NUP205: variants seen among roughly 807,000 people sequenced by gnomAD.
NUP205 encodes the protein nucleoporin 205, also known as nuclear pore complex protein Nup205.
A neutral mutation model predicts 253.8 loss-of-function variants in NUP205; 76 were observed. The ratio of observed to expected loss-of-function variants is 0.30; its 90% CI spans 0.25 to 0.36. NUP205 has a LOEUF of 0.36. NUP205 is among the 10% of genes least tolerant of loss of function. The pLI is 1.00. For synonymous variants in NUP205, 832 were observed against 850.1 expected, an observed-to-expected ratio of 0.98 and a Z score of 0.37; for missense variants, 2,162 against 2,425.5, an observed-to-expected ratio of 0.89 and a Z score of 2.28.
chr7:135,590,747 A>G (rs1584656597), intron 10 of NUP205, among the ~76,000 whole-genome samples: 2 of 151,526 alleles, frequency 1.3e-5, no homozygotes, highest in Admixed American at 6.6e-5. Context: ...TGGCCAGGAT[A>G]GTCTTGATCT....
chr7:135,635,189 C>G (rs1438422685), intron 35 of NUP205: 2 of 152,870 alleles, frequency 1.3e-5, no homozygotes, highest in Non-Finnish European at 1.5e-5. Flanking sequence ...AGGGGAAAAG[C>G]AAAAGCAAAT....
At chr7:135,622,493 C>G (rs867028625) in intron 30 of NUP205, among the ~76,000 whole-genome samples, 1 of 151,380 alleles carries the variant, frequency 6.6e-6, no homozygotes, top group African/African-American at 2.4e-5. Flanking sequence ...CTCATGGAGT[C>G]TTGTAATTCA....
intron 1 of NUP205, among the ~76,000 whole-genome samples, chr7:135,564,010 T>G (rs998184285): frequency 9.2e-5 from 14 of 151,850 alleles, no homozygotes; most frequent in Admixed American, 9.2e-4. Flanking sequence ...AAAAAGGTGT[T>G]TACTGAAATT....
intron 36 of NUP205, among the ~76,000 whole-genome samples, chr7:135,636,887 TC>T (rs1794820342): frequency 6.6e-6 from 1 of 152,096 alleles, no homozygotes; most frequent in Admixed American, 6.6e-5. Flanking sequence ...ACGCCTGTAG[TC>T]CCAGCTACCT....
Position 135,628,116 on chromosome 7 carries a change from G to C in NUP205, c.4932+5G>C, listed in dbSNP as rs746321197. The C allele has an allele frequency of 6.2e-7, 1 of 1,606,196 alleles. No individual in the cohort carries two copies. The highest frequency in any genetic ancestry group is 1.1e-5 in the South Asian group (1 of 90,258). ...CACTTGCAGGCAGCAGGGCAGGTAA[G>C]GTGAACCCTTTGTTTAGATATTGTC... On this transcript the variant is annotated splice_donor_5th_base_variant and intron_variant, in intron 34 of 42. Transcript: ENST00000285968.
At chr7:135,571,456 G>C (rs879766483) in intron 2 of NUP205, among the ~76,000 whole-genome samples, 1 of 149,648 alleles carries the variant, frequency 6.7e-6, no homozygotes, top group African/African-American at 2.5e-5. Context: ...GCCCAGGCTT[G>C]TCTTGGACTT....
chr7:135,599,764 A>C (rs1793925042), intron 15 of NUP205, among the ~76,000 whole-genome samples: 1 of 151,992 alleles, frequency 6.6e-6, no homozygotes, highest in South Asian at 2.1e-4. Flanking sequence ...ACTCTAAAAA[A>C]CTTTCCCTCA....
intron 30 of NUP205, 51 bp downstream of exon 30, chr7:135,619,939 T>C: frequency 8.4e-7 from 1 of 1,186,564 alleles, no homozygotes; most frequent in East Asian, 2.3e-5. Context: ...ATGGTTACTT[T>C]AAATTGAAAA....
At position 135,638,414 on chromosome 7, in the gene NUP205, GAAAAAAA is replaced by G; in HGVS notation, c.5266-131_5266-125del. 1.9e-5 allele frequency: 9 copies of G among 464,214 alleles called. No individual in the cohort carries two copies. In the South Asian group the frequency reaches 2.1e-4, roughly 11 times the overall value. 28.8% of individuals were successfully genotyped at this position (464,214 alleles called of 1,614,324 possible). On this transcript the variant is annotated intron_variant, in intron 37 of 42. Coordinates refer to ENST00000285968, the MANE Select transcript of NUP205 (RefSeq NM_015135.3). Reference sequence around the variant, plus strand: ...TGGGCAACAGAGGGAGACTCCATCTGAAAAAAAAAAAAAAAAAAGAATACACAGATGT... The same window carrying G: ...TGGGCAACAGAGGGAGACTCCATCTGAAAAAAAAAAAGAATACACAGATGT...
intron 11 of NUP205, among the ~76,000 whole-genome samples, chr7:135,592,661 C>T (rs1255283351): frequency 2.0e-5 from 3 of 152,110 alleles, no homozygotes; most frequent in South Asian, 4.1e-4. Context: ...CCGAGGCAGG[C>T]GGATCACTTG....
chr7:135,570,091 AG>A (rs1805912952), intron 1 of NUP205, among the ~76,000 whole-genome samples: 6 of 149,250 alleles, frequency 4.0e-5, no homozygotes, highest in Admixed American at 6.7e-5. Flanking sequence ...AGAGAGAGAG[AG>A]AGAAACTGAA....
chr7:135,603,850 G>T (rs1794023103), intron 18 of NUP205, among the ~76,000 whole-genome samples: 2 of 152,132 alleles, frequency 1.3e-5, no homozygotes, highest in African/African-American at 2.4e-5. Context: ...TCTGTCTCCT[G>T]TAGGGAAACT....
Position 135,594,725 on chromosome 7 carries a change from C to T in NUP205, c.2009C>T (p.Thr670Ile). Residue 670 changes from threonine (T) to isoleucine (I), a missense_variant, in exon 13 of 43, where the codon ACT becomes ATT. Transcript: ENST00000285968. The stretch of plus-strand genomic sequence containing the variant: ...TCCCTCTGGCAGTCATTGGAATACA[C>T]TCAGGTAGGGCTCTGAAGTCCCTTA... ...AASLWQSLEY[T>I]QILQTVRIPS... 2.5e-6 allele frequency: 4 copies of T among 1,611,114 alleles called. No individual in the cohort carries two copies. The highest frequency in any genetic ancestry group is 3.4e-6 in the Non-Finnish European group (4 of 1,178,474).
intron 18 of NUP205, 77 bp downstream of exon 18, chr7:135,603,071 A>T: frequency 3.2e-6 from 3 of 943,936 alleles, no homozygotes; most frequent in Middle Eastern, 2.8e-4. Flanking sequence ...CTGGTTAGGT[A>T]TCTAGTGCAT....
intron 22 of NUP205, among the ~76,000 whole-genome samples, chr7:135,612,982 A>C (rs1040705598): frequency 2.6e-5 from 4 of 152,128 alleles, no homozygotes; most frequent in African/African-American, 4.8e-5. Flanking sequence ...GCTACTCAGA[A>C]GGCTGAGCTG....
chr7:135,597,727 T>G, intron 14 of NUP205: 2 of 460,778 alleles, frequency 4.3e-6, no homozygotes. Context: ...TTCTTTTCTC[T>G]CTAATTCTCC....
intron 22 of NUP205, among the ~76,000 whole-genome samples, chr7:135,611,944 C>T (rs1794249116): frequency 6.6e-6 from 1 of 152,012 alleles, no homozygotes; most frequent in Non-Finnish European, 1.5e-5. Context: ...GAAACCCCGT[C>T]TCTACTAAAA....
At chr7:135,628,134 A>G (rs750946645) in intron 34 of NUP205, 23 bp downstream of exon 34, 21 of 1,600,910 alleles carry the variant, frequency 1.3e-5, no homozygotes, top group Non-Finnish European at 1.7e-5. Context: ...CTTTGTTTAG[A>G]TATTGTCTAG....
Position 135,584,793 on chromosome 7 carries a change from CTT to C in NUP205, c.1043-36_1043-35del, listed in dbSNP as rs772939794. 8.8e-6 allele frequency: 14 copies of C among 1,585,530 alleles called. No individual in the cohort carries two copies. In the South Asian group the frequency reaches 1.4e-4, roughly 16 times the overall value. ...ATATAATTACAATCTGGGTTAATGACTTTTCCTCCATGTACTGTGTTTTAAAA... is the reference window on the plus strand; with the variant it reads ...ATATAATTACAATCTGGGTTAATGACTTCCTCCATGTACTGTGTTTTAAAA... On this transcript the variant is annotated intron_variant, in intron 7 of 42. Transcript: ENST00000285968.
Sources: allele counts gnomAD v4.1 joint callset (sites outside exome capture counted in the v4.1 genomes callset), GRCh38; gene constraint gnomAD v4.1.1; transcripts MANE v1.5; gene names NCBI Gene and HGNC (gene_info 2026-07-23, HGNC 2026-07-21).